The following DOCK4 variants were observed in gnomAD, a reference collection of about 807,000 sequenced individuals.
DOCK4 encodes the protein dedicator of cytokinesis protein 4.
A neutral mutation model predicts 268.1 loss-of-function variants in DOCK4; 97 were observed. That is an observed-to-expected ratio of 0.36 (90% CI 0.31 to 0.43). DOCK4 has a LOEUF of 0.43. Ranked by LOEUF, DOCK4 falls within the 20% of genes least tolerant of loss-of-function variation. DOCK4 has a pLI of 1.00. For synonymous variants in DOCK4, 954 were observed against 887.2 expected, an observed-to-expected ratio of 1.08 and a Z score of -1.34; for missense variants, 2,145 against 2,455.7, an observed-to-expected ratio of 0.87 and a Z score of 2.67.
chr7:111,737,614 A>G (rs749910829), intron 49 of DOCK4, among the ~76,000 whole-genome samples: 43 of 152,252 alleles, frequency 2.8e-4, no homozygotes, highest in Non-Finnish European at 4.0e-4. Context: ...ACTTATAAAA[A>G]TGCCAGTTTT....
chr7:111,866,880 G>A (rs1806015560), intron 22 of DOCK4, among the ~76,000 whole-genome samples: 1 of 152,206 alleles, frequency 6.6e-6, no homozygotes, highest in Non-Finnish European at 1.5e-5. Context: ...TGATCTGAAG[G>A]AATGCATGGT....
intron 1 of DOCK4, among the ~76,000 whole-genome samples, chr7:112,049,507 T>C (rs945700310): frequency 3.3e-5 from 5 of 151,998 alleles, no homozygotes; most frequent in Admixed American, 2.0e-4. Context: ...AGAATACATA[T>C]AGCAAGAGGA....
Position 111,900,360 on chromosome 7 carries a change from C to A in DOCK4, c.1480+14G>T. The A allele has an allele frequency of 6.2e-7, 1 of 1,610,820 alleles. No homozygotes were observed. The highest frequency in any genetic ancestry group is 8.5e-7 in the Non-Finnish European group (1 of 1,178,458). On this transcript the variant is annotated intron_variant, in intron 15 of 52. Transcript: ENST00000428084. ...CACAATAGACACAGGTAGCCAATGC[C>A]ACCAAACACTTACTGGAACAATGCC...
In DOCK4 at chr7:112,048,133, C is replaced by T. The variant is rs182976776; in HGVS notation, c.38-44002G>A. ...ATAATGGCTAAAATTTTTCCAAATT[C>T]GATAAGAACATAAATCTACAGATCC... On this transcript the variant is annotated intron_variant, in intron 1 of 52. Transcript: ENST00000428084. 2.0e-4 allele frequency among the ~76,000 whole-genome samples: 30 copies of T among 151,962 alleles called. No homozygotes were observed. In the East Asian group the frequency reaches 3.7e-3, roughly 19 times the overall value.
At chr7:111,800,236 A>C (rs1249427805) in intron 30 of DOCK4, among the ~76,000 whole-genome samples, 1 of 151,774 alleles carries the variant, frequency 6.6e-6, no homozygotes, top group Non-Finnish European at 1.5e-5. Context: ...AAAAAAAAAA[A>C]CAGCAACAAC....
intron 12 of DOCK4, 59 bp from the exon 13 acceptor site, chr7:111,915,963 C>T (rs1275394194): frequency 6.4e-7 from 1 of 1,556,090 alleles, no homozygotes; most frequent in African/African-American, 1.4e-5. Flanking sequence ...TAAAGAGAAA[C>T]TGATGTGTTG....
chr7:111,980,761 T>C lies in DOCK4; in HGVS notation c.550-3478A>G, dbSNP rs546409644. 2.0e-4 allele frequency among the ~76,000 whole-genome samples: 31 copies of C among 152,270 alleles called. No individual in the cohort carries two copies. In the South Asian group the frequency reaches 6.0e-3, roughly 30 times the overall value. On this transcript the variant is annotated intron_variant, in intron 7 of 52. Coordinates refer to ENST00000428084, the MANE Select transcript of DOCK4 (RefSeq NM_001363540.2). ...TGCCAAATATCCCCTTGGGTTGAAA[T>C]TGCATGTGAGAACCACTGTGTTCCC... is the stretch of plus-strand genomic sequence containing the variant.
chr7:112,007,116 C>T (rs1416975788), intron 1 of DOCK4, among the ~76,000 whole-genome samples: 4 of 152,106 alleles, frequency 2.6e-5, no homozygotes, highest in African/African-American at 9.7e-5. Flanking sequence ...TTTTGTCATC[C>T]GTGGGTCCAT....
chr7:112,128,505 A>G (rs929167398), intron 1 of DOCK4, among the ~76,000 whole-genome samples: 2 of 152,230 alleles, frequency 1.3e-5, no homozygotes, highest in East Asian at 1.9e-4. Flanking sequence ...AGATTGAGAA[A>G]TCGGATGGTT....
intron 1 of DOCK4, among the ~76,000 whole-genome samples, chr7:112,093,448 G>C (rs918031032): frequency 2.1e-5 from 3 of 142,872 alleles, no homozygotes; most frequent in Non-Finnish European, 4.5e-5. Context: ...TACATTTAAA[G>C]GGGGGGGGAA....
intron 8 of DOCK4, among the ~76,000 whole-genome samples, chr7:111,958,153 C>G (rs2134950461): frequency 6.6e-6 from 1 of 152,274 alleles, no homozygotes; most frequent in East Asian, 1.9e-4. Context: ...TGCTTTGCCT[C>G]AACAACAATC....
At chr7:111,857,300 A>G (rs984175044) in intron 23 of DOCK4, among the ~76,000 whole-genome samples, 1 of 152,142 alleles carries the variant, frequency 6.6e-6, no homozygotes, top group African/African-American at 2.4e-5. Flanking sequence ...TCTTTCCATT[A>G]ATTTTTTATT....
intron 1 of DOCK4, among the ~76,000 whole-genome samples, chr7:112,029,123 T>C (rs1213957069): frequency 1.3e-5 from 2 of 152,234 alleles, no homozygotes; most frequent in African/African-American, 2.4e-5. Flanking sequence ...CTCTGAAATG[T>C]GCCTGCTCAT....
intron 8 of DOCK4, among the ~76,000 whole-genome samples, chr7:111,976,274 TATATATATATATA>T (rs1798196161): frequency 1.2e-3 from 3 of 2,448 alleles, no homozygotes; most frequent in African/African-American, 3.4e-3. Flanking sequence ...GTCTATTATA[TATATATATATATA>T]TATATATATA....
intron 12 of DOCK4, among the ~76,000 whole-genome samples, chr7:111,925,619 G>C (rs781467444): frequency 1.3e-5 from 2 of 152,088 alleles, no homozygotes; most frequent in Non-Finnish European, 2.9e-5. Context: ...GATGAAAGGA[G>C]CCTAGTTACT....
At chr7:111,886,992 T>C (rs1807904989) in intron 16 of DOCK4, among the ~76,000 whole-genome samples, 1 of 152,190 alleles carries the variant, frequency 6.6e-6, no homozygotes, top group Admixed American at 6.5e-5. Flanking sequence ...GTTAAGTATG[T>C]CTGGAGTAGG....
intron 1 of DOCK4, among the ~76,000 whole-genome samples, chr7:112,016,362 T>C (rs2135387537): frequency 6.6e-6 from 1 of 152,326 alleles, no homozygotes; most frequent in African/African-American, 2.4e-5. Flanking sequence ...TGTGCCCTGC[T>C]TGGTGTATCT....
At chr7:112,145,902 A>G (rs567090123) in intron 1 of DOCK4, among the ~76,000 whole-genome samples, 36 of 152,318 alleles carry the variant, frequency 2.4e-4, no homozygotes, top group African/African-American at 8.2e-4. Context: ...ACAATCTATT[A>G]TTCAATATCA....
chr7:112,016,004 G>A (rs1801778015), intron 1 of DOCK4, among the ~76,000 whole-genome samples: 1 of 152,104 alleles, frequency 6.6e-6, no homozygotes, highest in Non-Finnish European at 1.5e-5. Flanking sequence ...CTGTCTTTTT[G>A]GCAACACCTG....
Sources: gnomAD v4.1 joint callset for allele counts (sites outside exome capture counted in the v4.1 genomes callset) on GRCh38, gnomAD v4.1.1 for gene constraint, MANE v1.5 for transcripts, NCBI Gene and HGNC (gene_info 2026-07-23, HGNC 2026-07-21) for gene names.